The following RNF14 variants were observed in gnomAD, a reference collection of about 807,000 sequenced individuals.
The protein encoded by RNF14 is E3 ubiquitin-protein ligase RNF14.
In RNF14, 26 loss-of-function variants were observed where a neutral mutation model predicts 52.6. The observed-to-expected ratio is 0.49, with a 90% CI of 0.36 to 0.69. RNF14 has a LOEUF of 0.69. Ranked by LOEUF, RNF14 falls within the 30% of genes least tolerant of loss-of-function variation. The probability of loss-of-function intolerance (pLI) is 0.00; values close to 1 mark genes in which losing one functional copy is unlikely to be tolerated. For missense variants in RNF14, 404 were observed against 560.4 expected (o/e 0.72, Z 2.82); for synonymous variants, 194 against 202.0 (o/e 0.96, Z 0.34).
upstream of RNF14, among the ~76,000 whole-genome samples, chr5:141,962,926 C>A (rs1753286501): frequency 2.0e-5 from 3 of 152,166 alleles, no homozygotes; most frequent in Admixed American, 2.0e-4. Context: ...CTTATCTCCA[C>A]CCCAACTTCA....
upstream of RNF14, among the ~76,000 whole-genome samples, chr5:141,963,972 C>T (rs747978719): frequency 1.8e-4 from 27 of 152,160 alleles, no homozygotes; most frequent in Non-Finnish European, 3.4e-4. Flanking sequence ...TTCCTCCTTA[C>T]AGAGCCATGT....
intron 4 of RNF14, among the ~76,000 whole-genome samples, 193 bp from the exon 5 acceptor site, chr5:141,978,110 C>T (rs1261107035): frequency 1.3e-5 from 2 of 151,630 alleles, no homozygotes; most frequent in East Asian, 2.0e-4. Context: ...GCTCATGTTG[C>T]CGAATAGTTT....
chr5:141,965,661 T>C (rs573203169), upstream of RNF14, among the ~76,000 whole-genome samples: 13 of 152,322 alleles, frequency 8.5e-5, no homozygotes, highest in Admixed American at 3.3e-4. Flanking sequence ...TGTGTGATAC[T>C]GGCCAAACCT....
chr5:141,962,371 C>A (rs78036914), upstream of RNF14, among the ~76,000 whole-genome samples: 909 of 152,320 alleles, frequency 6.0e-3, 9 homozygotes, highest in African/African-American at 0.021. Context: ...ACTTGGAAAG[C>A]TTTACAAAAT....
chr5:141,956,029 A>G (rs61737137), upstream of RNF14: 29,133 of 1,614,040 alleles, frequency 0.018, 304 homozygotes, highest in Non-Finnish European at 0.021. Flanking sequence ...GTGAGTGGCC[A>G]GTGGAGGTGT....
chr5:141,963,944 G>A (rs1178311606), upstream of RNF14, among the ~76,000 whole-genome samples: 2 of 152,160 alleles, frequency 1.3e-5, no homozygotes, highest in African/African-American at 4.8e-5. Context: ...GGCAGCTGCT[G>A]CTAAATCTCA....
At chr5:141,956,186 A>G (rs148117698), upstream of RNF14, 7 of 1,614,062 alleles carry the variant, frequency 4.3e-6, no homozygotes, top group East Asian at 2.2e-5. Context: ...TTGGCATCCA[A>G]GAGGCTGACC....
chr5:141,987,754 TGAC>T lies in RNF14; in HGVS notation c.1395_1397del (p.Asp466del), dbSNP rs1755374048. 2 of 1,614,068 alleles carry T rather than the reference TGAC, an allele frequency of 1.2e-6. No homozygotes were observed. ...CCAGGCTGTTTTATGCTGTGGATGTTGACGACGATATTTGGGAAGATGAGGTAG... is the reference window on the plus strand; with the variant it reads ...CCAGGCTGTTTTATGCTGTGGATGTTGACGATATTTGGGAAGATGAGGTAG... On this transcript the variant is annotated inframe_deletion, in exon 9 of 9. Coordinates refer to ENST00000394520, the MANE Select transcript of RNF14 (RefSeq NM_004290.5).
At chr5:141,954,237 G>T (rs959884807), upstream of RNF14, among the ~76,000 whole-genome samples, 2 of 152,176 alleles carry the variant, frequency 1.3e-5, no homozygotes, top group Non-Finnish European at 2.9e-5. Context: ...AATTTCCACT[G>T]CCCCATCCGC....
upstream of RNF14, chr5:141,957,385 A>AG (rs1753202951): frequency 1.2e-6 from 2 of 1,613,848 alleles, no homozygotes; most frequent in Non-Finnish European, 1.7e-6. The surrounding 1 kb of genome is among the most constrained non-coding windows in gnomAD (Gnocchi z 4.3). Context: ...AGCTCTGTCC[A>AG]GGGGGATCCG....
upstream of RNF14, chr5:141,954,961 G>A: frequency 6.2e-7 from 1 of 1,602,410 alleles, no homozygotes; most frequent in Non-Finnish European, 8.5e-7. Context: ...AGCTGCCCAT[G>A]CCCCAGGTAC....
chr5:141,984,757 T>C (rs1755089483), intron 7 of RNF14, 46 bp from the exon 8 acceptor site: 2 of 1,602,434 alleles, frequency 1.2e-6, no homozygotes, highest in African/African-American at 1.3e-5. Context: ...CTGTCTCTTC[T>C]GCTTTTACAG....
In RNF14 at chr5:141,984,922, A is replaced by G. The variant is rs1451804428; in HGVS notation, c.1356A>G (p.Pro452=). The change falls in exon 8 of 9, where the codon CCA becomes CCG. Residue 452 remains proline (P), a synonymous_variant. Coordinates refer to ENST00000394520, the MANE Select transcript of RNF14 (RefSeq NM_004290.5). Reference sequence around the variant, plus strand: ...AACATTTCAATGACCCTGGTTCACCATGTTTTAACCGGTATGTATACACAG... The same window carrying G: ...AACATTTCAATGACCCTGGTTCACCGTGTTTTAACCGGTATGTATACACAG... ...PYKHFNDPGS[P]CFNRLFYAVD... is the part of the protein sequence containing the mutation. 4 of 1,613,808 alleles carry G rather than the reference A, an allele frequency of 2.5e-6. No homozygotes were observed. In the East Asian group the frequency reaches 6.7e-5, roughly 27 times the overall value.
At chr5:141,984,775 AT>A in intron 7 of RNF14, 27 bp from the exon 8 acceptor site, 1 of 1,610,992 alleles carries the variant, frequency 6.2e-7, no homozygotes, top group Non-Finnish European at 8.5e-7. Flanking sequence ...CAGCCTTGAT[AT>A]TTTTCTCTTT....
the RNF14 span, among the ~76,000 whole-genome samples, chr5:141,951,768 GTCC>G: frequency 4.7e-4 from 71 of 152,372 alleles, 1 homozygote; most frequent in South Asian, 0.013. Flanking sequence ...GGGCGGGCAG[GTCC>G]CCTGCTCTGT....
In RNF14 at chr5:141,973,689, G is replaced by C; in HGVS notation, c.101G>C (p.Gly34Ala). Residue 34 changes from glycine (G) to alanine (A), a missense_variant, in exon 3 of 9, where the codon GGA becomes GCA. By Grantham distance (60) the Gly-to-Ala change is moderately conservative (BLOSUM62 0). Coordinates refer to ENST00000394520, the MANE Select transcript of RNF14 (RefSeq NM_004290.5). ...EFRKAESVQGGETRIYLDLPQ... is the reference protein window; with the variant it reads ...EFRKAESVQGAETRIYLDLPQ... ...AGAAAAGCAGAGTCTGTCCAAGGTGGAGAAACCAGGATCTATTTGGATTTG... is the reference window on the plus strand; with the variant it reads ...AGAAAAGCAGAGTCTGTCCAAGGTGCAGAAACCAGGATCTATTTGGATTTG... The C allele has an allele frequency of 6.2e-7, 1 of 1,613,202 alleles. No individual in the cohort carries two copies. Among genetic ancestry groups the C allele is most frequent in the Non-Finnish European group, 8.5e-7 (1 of 1,179,622 alleles).
At chr5:141,964,542 T>C (rs1301023361), upstream of RNF14, among the ~76,000 whole-genome samples, 6 of 152,238 alleles carry the variant, frequency 3.9e-5, no homozygotes, top group African/African-American at 1.4e-4. Flanking sequence ...AGTAGCACTT[T>C]AAGCGTTATT....
upstream of RNF14, among the ~76,000 whole-genome samples, chr5:141,968,574 T>C (rs1753444769): frequency 6.6e-6 from 1 of 152,220 alleles, no homozygotes; most frequent in Admixed American, 6.5e-5. Flanking sequence ...ATTTCCTTAT[T>C]TGTAAAGTGA....
intron 3 of RNF14, among the ~76,000 whole-genome samples, chr5:141,974,359 A>C (rs1754057198): frequency 6.6e-6 from 1 of 152,232 alleles, no homozygotes; most frequent in Admixed American, 6.5e-5. Flanking sequence ...TGTTGGCACA[A>C]ATTTTCCCAA....
Sources: gnomAD v4.1 joint callset for allele counts (sites outside exome capture counted in the v4.1 genomes callset) on GRCh38, gnomAD v4.1.1 for gene constraint, Gnocchi (gnomAD v3.1) non-coding constraint, MANE v1.5 for transcripts, NCBI Gene and HGNC (gene_info 2026-07-23, HGNC 2026-07-21) for gene names.